IRF2: variants seen among roughly 807,000 people sequenced by gnomAD.
IRF2 encodes the protein interferon regulatory factor 2.
Under a neutral mutation model 40.6 loss-of-function variants are expected in IRF2, and 15 were observed. The observed-to-expected ratio is 0.37, with a 90% CI of 0.25 to 0.57. The LOEUF (loss-of-function observed/expected upper bound fraction) is 0.57. IRF2 is among the 20% of genes least tolerant of loss of function. The probability of loss-of-function intolerance (pLI) is 0.77; values close to 1 mark genes in which losing one functional copy is unlikely to be tolerated. For missense variants in IRF2, 317 were observed against 455.7 expected (o/e 0.70, Z 2.77); for synonymous variants, 151 against 165.5 (o/e 0.91, Z 0.67).
intron 5 of IRF2, among the ~76,000 whole-genome samples, chr4:184,414,519 T>G (rs1208714815): frequency 6.6e-6 from 1 of 152,220 alleles, no homozygotes; most frequent in Non-Finnish European, 1.5e-5. Flanking sequence ...TTTCTTGTTC[T>G]TATTTCCTTA....
At chr4:184,442,552 T>C (rs1057143254) in intron 1 of IRF2, among the ~76,000 whole-genome samples, 8 of 152,170 alleles carry the variant, frequency 5.3e-5, no homozygotes, top group Admixed American at 2.6e-4. Context: ...GTAAGTCCCA[T>C]AGAAGACAAA....
rs1259094307 is a variant in IRF2, at chr4:184,413,894, G to C, written c.411+4273C>G. On this transcript the variant is annotated intron_variant, in intron 5 of 8. Coordinates refer to ENST00000393593, the MANE Select transcript of IRF2 (RefSeq NM_002199.4). This position sits in a 1 kb window ranked among gnomAD's most constrained non-coding sequence, Gnocchi z 4.2. ...TAAGCCAGTTTCCTGTCTCATCCAG[G>C]AAAGACAAACCAACTGTAATCTCCA... 1.3e-5 allele frequency among the ~76,000 whole-genome samples: 2 copies of C among 152,158 alleles called. No individual in the cohort carries two copies. Among genetic ancestry groups the C allele is most frequent in the African/African-American group, 4.8e-5 (2 of 41,416 alleles).
intron 1 of IRF2, among the ~76,000 whole-genome samples, chr4:184,430,281 G>A (rs539526363): frequency 7.3e-6 from 1 of 136,532 alleles, no homozygotes; most frequent in African/African-American, 2.5e-5. Flanking sequence ...TATGCCTCCT[G>A]CTGTCTGGCC....
intron 1 of IRF2, among the ~76,000 whole-genome samples, chr4:184,440,637 C>A (rs1191288679): frequency 6.6e-5 from 10 of 152,234 alleles, no homozygotes; most frequent in African/African-American, 2.4e-4. Context: ...CTCTGCAGAT[C>A]TTTTTTGCTT....
chr4:184,464,219 A>G (rs1380803067), intron 1 of IRF2, among the ~76,000 whole-genome samples: 1 of 152,090 alleles, frequency 6.6e-6, no homozygotes, highest in African/African-American at 2.4e-5. Flanking sequence ...GATGGGGACT[A>G]TATAGGATAT....
intron 1 of IRF2, among the ~76,000 whole-genome samples, chr4:184,470,554 G>A (rs188630129): frequency 2.0e-4 from 31 of 152,184 alleles, no homozygotes; most frequent in South Asian, 1.7e-3. Flanking sequence ...GGTAGCGCAC[G>A]CCTGCGCACA....
At chr4:184,441,016 A>T (rs1473315978) in intron 1 of IRF2, among the ~76,000 whole-genome samples, 3 of 152,168 alleles carry the variant, frequency 2.0e-5, no homozygotes, top group Non-Finnish European at 2.9e-5. Context: ...GATTGTTCAA[A>T]TGTCTCTTTT....
At chr4:184,398,840 T>G in intron 7 of IRF2, 75 bp downstream of exon 7, 15 of 1,361,318 alleles carry the variant, frequency 1.1e-5, no homozygotes, top group Non-Finnish European at 1.4e-5. Context: ...CGTGGGGTGG[T>G]GAGATGGGTG....
At chr4:184,423,683 T>C (rs1737563715) in intron 2 of IRF2, among the ~76,000 whole-genome samples, 1 of 152,172 alleles carries the variant, frequency 6.6e-6, no homozygotes, top group Non-Finnish European at 1.5e-5. Context: ...ACCCCGGATG[T>C]GACTGCCTCC....
intron 1 of IRF2, among the ~76,000 whole-genome samples, chr4:184,468,119 G>A (rs1027539158): frequency 1.3e-5 from 2 of 152,078 alleles, no homozygotes; most frequent in Non-Finnish European, 2.9e-5. Context: ...AAAACCAAAC[G>A]CCTAATTCTC....
At chr4:184,398,609 T>C (rs960153170) in intron 7 of IRF2, among the ~76,000 whole-genome samples, 2 of 150,734 alleles carry the variant, frequency 1.3e-5, no homozygotes, top group African/African-American at 4.9e-5. Flanking sequence ...TGAGCCGAGA[T>C]CATCCCACTG....
At chr4:184,459,509 C>T (rs1264360305) in intron 1 of IRF2, among the ~76,000 whole-genome samples, 1 of 152,198 alleles carries the variant, frequency 6.6e-6, no homozygotes, top group Non-Finnish European at 1.5e-5. Flanking sequence ...GTTAATTCCT[C>T]AAAGTGTGCT....
At chr4:184,468,595 C>T (rs1184511055) in intron 1 of IRF2, among the ~76,000 whole-genome samples, 4 of 152,174 alleles carry the variant, frequency 2.6e-5, no homozygotes, top group African/African-American at 9.7e-5. Flanking sequence ...TGACCACAGG[C>T]CCCTGTCCGA....
intron 1 of IRF2, among the ~76,000 whole-genome samples, chr4:184,431,597 A>AGTG (rs5864889): frequency 8.6e-5 from 13 of 151,622 alleles, no homozygotes; most frequent in African/African-American, 2.9e-4. Context: ...CTAAATCCAG[A>AGTG]GCGGTCAAGA....
At chr4:184,425,977 T>G (rs1258656346) in intron 2 of IRF2, among the ~76,000 whole-genome samples, 2 of 33,348 alleles carry the variant, frequency 6.0e-5, no homozygotes, top group Non-Finnish European at 1.3e-4. Flanking sequence ...CTCACTCCGG[T>G]TTTTGTTTGT....
intron 7 of IRF2, among the ~76,000 whole-genome samples, chr4:184,392,621 C>G (rs1305094300): frequency 6.6e-6 from 1 of 152,230 alleles, no homozygotes; most frequent in Non-Finnish European, 1.5e-5. Flanking sequence ...GATGAGATGG[C>G]TCCAGCCCAG....
intron 1 of IRF2, among the ~76,000 whole-genome samples, chr4:184,438,644 G>A (rs566814700): frequency 6.6e-6 from 1 of 152,160 alleles, no homozygotes; most frequent in African/African-American, 2.4e-5. Flanking sequence ...TGATTCGCCT[G>A]CCTTGGCCTC....
At chr4:184,397,285 T>C (rs1185852585) in intron 7 of IRF2, among the ~76,000 whole-genome samples, 1 of 152,064 alleles carries the variant, frequency 6.6e-6, no homozygotes, top group Non-Finnish European at 1.5e-5. Context: ...GTACCTAGAA[T>C]AGCCAAATTC....
chr4:184,393,825 TTCTC>T (rs1296498163), intron 7 of IRF2, among the ~76,000 whole-genome samples: 2 of 152,090 alleles, frequency 1.3e-5, no homozygotes, highest in Non-Finnish European at 2.9e-5. Flanking sequence ...AGGGGAGCAG[TTCTC>T]TCTGTGACCC....
Sources: gnomAD v4.1 joint callset for allele counts (sites outside exome capture counted in the v4.1 genomes callset) on GRCh38, gnomAD v4.1.1 for gene constraint, Gnocchi (gnomAD v3.1) non-coding constraint, MANE v1.5 for transcripts, NCBI Gene and HGNC (gene_info 2026-07-23, HGNC 2026-07-21) for gene names.